The following CTNNA2 variants were observed in gnomAD, a reference collection of about 807,000 sequenced individuals.
CTNNA2 encodes the protein catenin alpha-2.
A neutral mutation model predicts 101.0 loss-of-function variants in CTNNA2; 42 were observed. The ratio of observed to expected loss-of-function variants is 0.42; its 90% CI spans 0.32 to 0.54. The LOEUF (loss-of-function observed/expected upper bound fraction) is 0.54, where lower values mean the gene tolerates loss of function less well. Ranked by LOEUF, CTNNA2 falls within the 20% of genes least tolerant of loss-of-function variation. CTNNA2 has a pLI of 0.14. For synonymous variants in CTNNA2, 450 were observed against 456.4 expected (o/e 0.99, Z 0.18); for missense variants, 871 against 1,223.1 (o/e 0.71, Z 4.29).
At chr2:79,211,289 G>A (rs945970485) in intron 2 of CTNNA2, among the ~76,000 whole-genome samples, 10 of 152,142 alleles carry the variant, frequency 6.6e-5, no homozygotes, top group African/African-American at 2.2e-4. Flanking sequence ...GAAAAACACA[G>A]ACTATCTTTA....
intron 3 of CTNNA2, among the ~76,000 whole-genome samples, chr2:79,327,942 C>G (rs1676783717): frequency 6.6e-6 from 1 of 151,900 alleles, no homozygotes; most frequent in Non-Finnish European, 1.5e-5. Flanking sequence ...AGGAATGAGT[C>G]TATGTCACAA....
chr2:79,826,044 G>A (rs945123701), intron 3 of CTNNA2, among the ~76,000 whole-genome samples: 11 of 152,060 alleles, frequency 7.2e-5, no homozygotes, highest in African/African-American at 2.4e-4. Context: ...TTGTAAATAC[G>A]AAAAGAAGTA....
At chr2:79,376,148 C>G (rs13404718) in intron 4 of CTNNA2, among the ~76,000 whole-genome samples, 2 of 151,910 alleles carry the variant, frequency 1.3e-5, no homozygotes, top group East Asian at 1.9e-4. Flanking sequence ...AGAAGTAAGA[C>G]GAAATAAGGA....
intron 15 of CTNNA2, among the ~76,000 whole-genome samples, chr2:80,596,451 A>G (rs1348245964): frequency 6.6e-6 from 1 of 151,070 alleles, no homozygotes; most frequent in Non-Finnish European, 1.5e-5. Flanking sequence ...CTGGGACTAC[A>G]GGTGCCCGCC....
rs537167278 is a variant in CTNNA2, at chr2:79,665,646, C to T, written c.102+13988C>T. Among the ~76,000 whole-genome samples, 295 of 152,250 alleles carry T rather than the reference C, an allele frequency of 1.9e-3. 1 individual carries two copies. The highest frequency in any genetic ancestry group is 6.8e-3 in the African/African-American group (281 of 41,546). ...ACTATCTTTTAAAAATATTTTTAAA[C>T]ATTAATGGGCTTAGCAGAATGTCAT... On this transcript the variant is annotated intron_variant, in intron 2 of 18. Coordinates refer to ENST00000402739, the MANE Select transcript of CTNNA2 (RefSeq NM_001282597.3).
intron 3 of CTNNA2, among the ~76,000 whole-genome samples, chr2:79,747,393 C>T (rs1202344473): frequency 6.6e-6 from 1 of 151,994 alleles, no homozygotes; most frequent in East Asian, 1.9e-4. Flanking sequence ...AAACTGTATG[C>T]ACTTAAAATT....
At chr2:79,945,844 TA>T (rs1021894149) in intron 7 of CTNNA2, among the ~76,000 whole-genome samples, 11 of 152,208 alleles carry the variant, frequency 7.2e-5, no homozygotes, top group African/African-American at 2.4e-4. Flanking sequence ...GACGGTCTAT[TA>T]GGGGAGGCTC....
Position 79,887,990 on chromosome 2 carries a change from T to C in CTNNA2, c.852+13648T>C, listed in dbSNP as rs142852049. ...ACACTCCTGTGGGTTCTTAGATCCC[T>C]GTAAACATACTACAATTTATATATG... On this transcript the variant is annotated intron_variant, in intron 6 of 18. Coordinates refer to ENST00000402739, the MANE Select transcript of CTNNA2 (RefSeq NM_001282597.3). Among the ~76,000 whole-genome samples, 188 of 152,322 alleles carry C rather than the reference T, an allele frequency of 1.2e-3. 1 individual carries two copies. Among genetic ancestry groups the C allele is most frequent in the African/African-American group, 4.4e-3 (181 of 41,564 alleles).
intron 1 of CTNNA2, among the ~76,000 whole-genome samples, chr2:79,518,029 A>G (rs1225234389): frequency 2.6e-5 from 4 of 152,200 alleles, no homozygotes; most frequent in African/African-American, 7.2e-5. Context: ...TGAAGGATGT[A>G]TAACTATCTG....
chr2:79,983,643 TAGG>T (rs1228534834), intron 7 of CTNNA2, among the ~76,000 whole-genome samples: 2 of 152,148 alleles, frequency 1.3e-5, no homozygotes, highest in African/African-American at 4.8e-5. Context: ...AATGAACAGG[TAGG>T]AGGAGAGTGC....
intron 6 of CTNNA2, among the ~76,000 whole-genome samples, chr2:79,894,511 C>G (rs1380614836): frequency 6.6e-6 from 1 of 152,138 alleles, no homozygotes; most frequent in Non-Finnish European, 1.5e-5. Flanking sequence ...GCATAGCCTC[C>G]TTTTCCACAC....
chr2:79,642,138 A>G (rs1169759177), intron 1 of CTNNA2, among the ~76,000 whole-genome samples: 2 of 152,200 alleles, frequency 1.3e-5, no homozygotes, highest in Non-Finnish European at 2.9e-5. Flanking sequence ...TTTAATATGC[A>G]TTTATGCTTT....
intron 4 of CTNNA2, among the ~76,000 whole-genome samples, chr2:79,385,330 T>C (rs1467942783): frequency 1.3e-5 from 2 of 152,202 alleles, no homozygotes; most frequent in Non-Finnish European, 2.9e-5. Flanking sequence ...AACCACTACA[T>C]GTACATCACC....
chr2:79,737,075 C>T (rs1292798043), intron 2 of CTNNA2, among the ~76,000 whole-genome samples: 5 of 152,138 alleles, frequency 3.3e-5, no homozygotes, highest in African/African-American at 7.2e-5. Context: ...CTGCCGGGTG[C>T]GGTGGCTCAT....
intron 15 of CTNNA2, among the ~76,000 whole-genome samples, chr2:80,602,528 GA>G (rs1697643948): frequency 6.6e-6 from 1 of 152,042 alleles, no homozygotes; most frequent in Admixed American, 6.6e-5. Flanking sequence ...GTAAACATCA[GA>G]AAATAGATTT....
At chr2:79,511,966 C>T (rs750923923), upstream of CTNNA2, among the ~76,000 whole-genome samples, 2 of 152,180 alleles carry the variant, frequency 1.3e-5, no homozygotes, top group African/African-American at 2.4e-5. Flanking sequence ...TAAACTTCCA[C>T]AGATTTTCTT....
At chr2:79,940,495 C>T (rs79213766) in intron 7 of CTNNA2, among the ~76,000 whole-genome samples, 616 of 152,272 alleles carry the variant, frequency 4.0e-3, no homozygotes, top group Non-Finnish European at 6.3e-3. Context: ...TTCTTCTATC[C>T]CTGTGCTTCC....
intron 3 of CTNNA2, among the ~76,000 whole-genome samples, chr2:79,322,712 G>C (rs2104410765): frequency 6.6e-6 from 1 of 152,288 alleles, no homozygotes; most frequent in Admixed American, 6.5e-5. Context: ...GGTCCCTTGA[G>C]AGGTTGGGAG....
At chr2:79,704,214 C>G (rs930621554) in intron 2 of CTNNA2, among the ~76,000 whole-genome samples, 1 of 152,074 alleles carries the variant, frequency 6.6e-6, no homozygotes, top group Non-Finnish European at 1.5e-5. Context: ...CTTAGGTCAG[C>G]CTTTTAAGAG....
Sources: allele counts gnomAD v4.1 joint callset (sites outside exome capture counted in the v4.1 genomes callset), GRCh38; gene constraint gnomAD v4.1.1; transcripts MANE v1.5; gene names NCBI Gene and HGNC (gene_info 2026-07-23, HGNC 2026-07-21).